The following TRMT61B variants were observed in gnomAD, a reference collection of about 807,000 sequenced individuals.
TRMT61B encodes the protein tRNA methyltransferase 61B.
A neutral mutation model predicts 52.0 loss-of-function variants in TRMT61B; 56 were observed. The ratio of observed to expected loss-of-function variants is 1.08; its 90% CI spans 0.87 to 1.35. The LOEUF (loss-of-function observed/expected upper bound fraction) is 1.35, where lower values mean the gene tolerates loss of function less well. Ranked by LOEUF, TRMT61B falls within the 40% of genes most tolerant of loss-of-function variation. The pLI, the probability that TRMT61B is intolerant of heterozygous loss-of-function variation, is 0.00. For synonymous variants in TRMT61B, 206 were observed against 220.0 expected (o/e 0.94, Z 0.56); for missense variants, 650 against 577.9 (o/e 1.12, Z -1.28).
intron 1 of TRMT61B, among the ~76,000 whole-genome samples, chr2:28,868,020 C>G (rs1378216142): frequency 6.6e-6 from 1 of 152,132 alleles, no homozygotes; most frequent in East Asian, 1.9e-4. Flanking sequence ...CCACTGCACT[C>G]TAGCCTGGGT....
At chr2:28,853,253 G>A (rs930272714) in intron 3 of TRMT61B, among the ~76,000 whole-genome samples, 10 of 151,280 alleles carry the variant, frequency 6.6e-5, no homozygotes, top group African/African-American at 2.4e-4. Flanking sequence ...TCACCTCGCT[G>A]CAACTTCCAC....
intron 3 of TRMT61B, among the ~76,000 whole-genome samples, chr2:28,859,675 T>TA (rs1224420571): frequency 6.6e-6 from 1 of 152,076 alleles, no homozygotes; most frequent in African/African-American, 2.4e-5. Flanking sequence ...TGAATAAATC[T>TA]AAAAAAGAGT....
intron 1 of TRMT61B, 110 bp downstream of exon 1, chr2:28,869,469 A>G: frequency 4.0e-6 from 3 of 749,758 alleles, no homozygotes; most frequent in East Asian, 2.6e-5. Flanking sequence ...TGAGTACAAT[A>G]AAAAATCCAA....
In TRMT61B at chr2:28,870,289, A is replaced by C; in HGVS notation, c.-12T>G. 6.5e-7 allele frequency: 1 copy of C among 1,533,712 alleles called. No individual in the cohort carries two copies. ...CATGCCATTAGCATAGTGTTTCGCGAAGGCGCCGTCGCAGACGAGTGACGC... is the reference window on the plus strand; with the variant it reads ...CATGCCATTAGCATAGTGTTTCGCGCAGGCGCCGTCGCAGACGAGTGACGC... On this transcript the variant is annotated 5_prime_UTR_variant, in exon 1 of 7. Transcript: ENST00000306108.
chr2:28,869,787 C>A lies in TRMT61B; in HGVS notation c.491G>T (p.Gly164Val). The stretch of plus-strand genomic sequence containing the variant: ...AAATAATTTCTTAAATTTTGTTTCT[C>A]CCTCCCCAGTCTCAGCTAAAATCAG... The part of the protein sequence containing the change: ...GELILAETGE[G>V]ETKFKKLFRL... Residue 164 changes from glycine (G) to valine (V), a missense_variant, in exon 1 of 7, where the codon GGA becomes GTA. Gly to Val is a moderately radical substitution (Grantham distance 109). Transcript: ENST00000306108. 1.9e-6 allele frequency: 3 copies of A among 1,614,176 alleles called. No individual in the cohort carries two copies. Among genetic ancestry groups the A allele is most frequent in the Non-Finnish European group, 1.7e-6 (2 of 1,180,024 alleles).
At chr2:28,867,952 T>G (rs1255001530) in intron 1 of TRMT61B, among the ~76,000 whole-genome samples, 1 of 152,028 alleles carries the variant, frequency 6.6e-6, no homozygotes. Context: ...CTCAGGAGGT[T>G]GAGGTGCGAG....
At chr2:28,854,251 A>C (rs1426201355) in intron 3 of TRMT61B, among the ~76,000 whole-genome samples, 1 of 152,190 alleles carries the variant, frequency 6.6e-6, no homozygotes, top group Non-Finnish European at 1.5e-5. Flanking sequence ...TAGACATTAA[A>C]CAAAAATAAG....
intron 2 of TRMT61B, among the ~76,000 whole-genome samples, chr2:28,862,673 G>A (rs1043368226): frequency 6.6e-6 from 1 of 151,586 alleles, no homozygotes; most frequent in Non-Finnish European, 1.5e-5. Context: ...TATTATGGAT[G>A]AGGTTGAGTC....
chr2:28,862,204 C>CAAAA (rs66527180), intron 2 of TRMT61B, among the ~76,000 whole-genome samples: 16 of 65,444 alleles, frequency 2.4e-4, no homozygotes, highest in African/African-American at 4.4e-4. Context: ...GACTCCGTCT[C>CAAAA]AAAAAAAAAA....
chr2:28,869,204 A>T (rs907887465), intron 1 of TRMT61B, among the ~76,000 whole-genome samples: 13 of 152,234 alleles, frequency 8.5e-5, no homozygotes, highest in African/African-American at 3.1e-4. Context: ...TAGTAGTACT[A>T]AAAAATTGTT....
intron 3 of TRMT61B, among the ~76,000 whole-genome samples, chr2:28,856,099 A>G (rs1325465428): frequency 6.6e-6 from 1 of 152,232 alleles, no homozygotes; most frequent in Non-Finnish European, 1.5e-5. Context: ...AAGTCAGATA[A>G]CCCAGAAAAC....
chr2:28,853,899 ATAG>A (rs1553318430), intron 3 of TRMT61B, among the ~76,000 whole-genome samples: 2 of 152,180 alleles, frequency 1.3e-5, no homozygotes, highest in Non-Finnish European at 2.9e-5. Context: ...ATACATGGCT[ATAG>A]TCACAGAAGA....
At position 28,861,349 on chromosome 2, in the gene TRMT61B, G is replaced by A. The variant is rs983899804; in HGVS notation, c.803-41C>T. On this transcript the variant is annotated intron_variant, in intron 2 of 6. Coordinates refer to ENST00000306108, the MANE Select transcript of TRMT61B (RefSeq NM_017910.4). ...ATTTGATATTTCATAATATTAATCA[G>A]TTTATTAAAAAGTGTCAAAAATGTA... The A allele has an allele frequency of 6.9e-6, 10 of 1,450,692 alleles. No individual in the cohort carries two copies. The African/African-American group carries it at 1.2e-4, about 17-fold the overall frequency. 89.9% of individuals were successfully genotyped at this position (1,450,692 alleles called of 1,614,324 possible). A position where few individuals can be genotyped will look rare whatever the true frequency, so the allele number is the denominator to read the frequency against.
chr2:28,853,815 G>A (rs1020231803), intron 3 of TRMT61B, among the ~76,000 whole-genome samples: 7 of 147,556 alleles, frequency 4.7e-5, no homozygotes, highest in African/African-American at 1.8e-4. Context: ...AAGCCTGGGT[G>A]ACAGAGTGAG....
chr2:28,864,396 A>C (rs1051846362), intron 2 of TRMT61B, among the ~76,000 whole-genome samples: 2 of 152,056 alleles, frequency 1.3e-5, no homozygotes, highest in African/African-American at 4.8e-5. Context: ...ATTGTGATTT[A>C]AATAGAGAGT....
intron 1 of TRMT61B, among the ~76,000 whole-genome samples, chr2:28,868,401 C>T (rs954355522): frequency 2.0e-5 from 3 of 152,196 alleles, no homozygotes; most frequent in African/African-American, 7.2e-5. Context: ...CCCCAGGTCA[C>T]CCAAAACAAT....
Position 28,869,921 on chromosome 2 carries a change from G to C in TRMT61B, c.357C>G (p.Ser119=), listed in dbSNP as rs1670011688. The C allele has an allele frequency of 1.2e-6, 2 of 1,613,760 alleles. No individual in the cohort carries two copies. Among genetic ancestry groups the C allele is most frequent in the Non-Finnish European group, 1.7e-6 (2 of 1,179,880 alleles). Residue 119 remains serine (S), a synonymous_variant, in exon 1 of 7, where the codon TCC becomes TCG. Transcript: ENST00000306108. ...CCTGCGAGAGCATCGAAGGATCCTC[G>C]GATCCCTGGTGTGTGGGACCGCACC... ...QGRCGPTHQG[S]EDPSMLSQAQ...
At chr2:28,869,074 T>C (rs1377227306) in intron 1 of TRMT61B, among the ~76,000 whole-genome samples, 2 of 152,206 alleles carry the variant, frequency 1.3e-5, no homozygotes, top group Admixed American at 6.5e-5. Flanking sequence ...ATGTTTGGTG[T>C]TGAATGTTAG....
At chr2:28,859,469 C>A (rs945683977) in intron 3 of TRMT61B, among the ~76,000 whole-genome samples, 1 of 152,122 alleles carries the variant, frequency 6.6e-6, no homozygotes, top group African/African-American at 2.4e-5. Context: ...TTTTTAGAAA[C>A]GTTCTTAAGA....
Sources: allele counts gnomAD v4.1 joint callset (sites outside exome capture counted in the v4.1 genomes callset), GRCh38; gene constraint gnomAD v4.1.1; transcripts MANE v1.5; gene names NCBI Gene and HGNC (gene_info 2026-07-23, HGNC 2026-07-21).